The following ELP6 variants were observed in gnomAD, a reference collection of about 807,000 sequenced individuals.
ELP6 encodes the protein elongator complex protein 6.
ELP6 carries 23 observed loss-of-function variants against 28.1 expected under a neutral mutation model. The observed-to-expected ratio is 0.82, with a 90% CI of 0.59 to 1.16. The LOEUF is 1.16. Ranked by LOEUF, ELP6 falls within the 50% of genes most tolerant of loss-of-function variation. ELP6 has a pLI of 0.00. For synonymous variants in ELP6, 132 were observed against 135.8 expected (o/e 0.97, Z 0.19); for missense variants, 313 against 334.6 (o/e 0.94, Z 0.50).
intron 4 of ELP6, among the ~76,000 whole-genome samples, chr3:47,503,788 G>T: frequency 6.6e-6 from 1 of 152,072 alleles, no homozygotes. Flanking sequence ...TACTCAGAGA[G>T]GCTGAGGCAG....
At chr3:47,500,257 T>C in intron 5 of ELP6, 1 of 1,046,034 alleles carries the variant, frequency 9.6e-7, no homozygotes, top group African/African-American at 1.7e-5. Flanking sequence ...GATGGCAGGT[T>C]ACCAGTAATG....
intron 1 of ELP6, 85 bp downstream of exon 1, chr3:47,513,452 C>T: frequency 6.4e-7 from 1 of 1,569,264 alleles, no homozygotes. Context: ...GCGCCATTCC[C>T]CGGGGTCGTG....
At chr3:47,509,508 C>T (rs778596026) in intron 3 of ELP6, among the ~76,000 whole-genome samples, 14 of 152,234 alleles carry the variant, frequency 9.2e-5, no homozygotes, top group Admixed American at 3.9e-4. Flanking sequence ...TCTCCCCACA[C>T]TGGGGTCTGA....
Position 47,511,084 on chromosome 3 carries a change from T to C in ELP6, c.133+64A>G, listed in dbSNP as rs1300100524. 25 of 1,388,878 alleles carry C rather than the reference T, an allele frequency of 1.8e-5. No individual in the cohort carries two copies. The East Asian group carries it at 4.3e-4, about 24-fold the overall frequency. The allele number at this position is 1,388,878 out of a possible 1,614,324, so 86.0% of individuals were successfully genotyped here. ...GCTGTTATTGCTTCCTTAAATAGTT[T>C]TGGTTTTTATTATTTCTGCACCCAT... On this transcript the variant is annotated intron_variant, in intron 2 of 6. Transcript: ENST00000296149.
chr3:47,512,828 C>T, intron 1 of ELP6: 3 of 971,338 alleles, frequency 3.1e-6, no homozygotes, highest in Non-Finnish European at 3.7e-6. Flanking sequence ...AGGAAGCTCG[C>T]CCATGAAGAC....
At chr3:47,505,737 A>G (rs1708814839) in intron 3 of ELP6, among the ~76,000 whole-genome samples, 1 of 152,082 alleles carries the variant, frequency 6.6e-6, no homozygotes, top group South Asian at 2.1e-4. Flanking sequence ...ACGCCCAGCT[A>G]ATTTTTGTAT....
chr3:47,501,928 A>G, intron 4 of ELP6, 77 bp from the exon 5 acceptor site: 1 of 1,367,344 alleles, frequency 7.3e-7, no homozygotes, highest in Admixed American at 2.0e-5. Flanking sequence ...GCACGACAGG[A>G]GAGGGCTAAG....
At chr3:47,498,723 A>C (rs1392661319) in intron 5 of ELP6, 1 of 985,366 alleles carries the variant, frequency 1.0e-6, no homozygotes, top group African/African-American at 1.7e-5. Flanking sequence ...GAATGTTACT[A>C]AAAGTGTCAC....
chr3:47,496,341 T>C, intron 6 of ELP6, 144 bp from the exon 7 acceptor site: 1 of 1,421,850 alleles, frequency 7.0e-7, no homozygotes. Flanking sequence ...GGGGCCAACT[T>C]GTAAAATAAA....
chr3:47,506,045 T>C (rs899183252), intron 3 of ELP6, among the ~76,000 whole-genome samples: 1 of 151,820 alleles, frequency 6.6e-6, no homozygotes, highest in Admixed American at 6.6e-5. Flanking sequence ...AGGGACAGAG[T>C]ACAAAAGAGA....
chr3:47,502,462 C>A, intron 4 of ELP6: 1 of 983,234 alleles, frequency 1.0e-6, no homozygotes, highest in Non-Finnish European at 1.2e-6. Context: ...AGCCTCTCAA[C>A]CCAAGAGCTT....
chr3:47,509,058 C>G (rs963500176), intron 3 of ELP6, among the ~76,000 whole-genome samples: 6 of 152,016 alleles, frequency 3.9e-5, no homozygotes, highest in African/African-American at 1.5e-4. Context: ...GCCACCGTGC[C>G]CAGCCTTTTT....
intron 5 of ELP6, chr3:47,500,007 A>G: frequency 7.6e-7 from 1 of 1,307,802 alleles, no homozygotes; most frequent in Non-Finnish European, 1.0e-6. Flanking sequence ...TGGCGGGTAA[A>G]TATGTGGCTA....
Position 47,511,170 on chromosome 3 carries a change from G to C in ELP6, c.111C>G (p.His37Gln). The C allele has an allele frequency of 6.2e-7, 1 of 1,614,004 alleles. No homozygotes were observed. Among genetic ancestry groups the C allele is most frequent in the African/African-American group, 1.3e-5 (1 of 75,024 alleles). The change falls in exon 2 of 7, where the codon CAC becomes CAG. Residue 37 changes from histidine (H) to glutamine (Q), a missense_variant. By Grantham distance (24) the His-to-Gln change is conservative. Transcript: ENST00000296149. ...TACCTTTGAGATAGAAGGAGAGAAA[G>C]TGGTGTACAAGGAAACTCCCATCTG... is the stretch of plus-strand genomic sequence containing the variant. ...AKTDGSFLVH[H>Q]FLSFYLKANC... is the part of the protein sequence containing the mutation.
chr3:47,495,907 C>T lies in ELP6; in HGVS notation c.*162G>A, dbSNP rs878912248. The T allele has an allele frequency of 8.0e-7, 1 of 1,247,976 alleles. No homozygotes were observed. Among genetic ancestry groups the T allele is most frequent in the African/African-American group, 1.5e-5 (1 of 64,726 alleles). The allele number at this position is 1,247,976 out of a possible 1,614,324, so 77.3% of individuals were successfully genotyped here. On this transcript the variant is annotated 3_prime_UTR_variant, in exon 7 of 7. Coordinates refer to ENST00000296149, the MANE Select transcript of ELP6 (RefSeq NM_001031703.3). Reference sequence around the variant, plus strand: ...TTTTCTGAACAGGGCCCAGGGCAGCCAAGGCATGCCATCACTGCAGCACTC... The same window carrying T: ...TTTTCTGAACAGGGCCCAGGGCAGCTAAGGCATGCCATCACTGCAGCACTC...
intron 5 of ELP6, 29 bp downstream of exon 5, chr3:47,501,621 G>A (rs1366162345): frequency 3.1e-6 from 5 of 1,606,894 alleles, no homozygotes; most frequent in Non-Finnish European, 4.3e-6. Flanking sequence ...GGTCACAGGT[G>A]GGCGCAGAGA....
chr3:47,508,275 G>C (rs1206377592), intron 3 of ELP6, among the ~76,000 whole-genome samples: 5 of 152,138 alleles, frequency 3.3e-5, no homozygotes, highest in African/African-American at 2.4e-5. Flanking sequence ...ATGGAGTCTT[G>C]CTCTTTCGCC....
rs1364255208 is a variant in ELP6 at position 47,496,184 on chromosome 3, C to T, written c.686G>A (p.Trp229Ter). The T allele has an allele frequency of 6.2e-7, 1 of 1,613,824 alleles. No homozygotes were observed. Among genetic ancestry groups the T allele is most frequent in the African/African-American group, 1.3e-5 (1 of 74,880 alleles). The change falls in exon 7 of 7, where the codon TGG becomes TAG. Residue 229 changes from tryptophan to a stop codon, truncating the protein, a stop_gained. Coordinates refer to ENST00000296149, the MANE Select transcript of ELP6 (RefSeq NM_001031703.3). LOFTEE classifies it high-confidence loss of function. ...GACTGCGGGCTGCGATGGTCTCCTC[C>T]ACAGGATCCTCAGCTACAGAGACAG... ...RDVHGQLRIL[W>*]RRPSQPAVHR...
intron 5 of ELP6, chr3:47,500,223 A>G: frequency 9.3e-7 from 1 of 1,078,992 alleles, no homozygotes; most frequent in South Asian, 2.5e-5. Flanking sequence ...TAATAAATGA[A>G]AAAAAGAAGT....
Sources: allele counts gnomAD v4.1 joint callset (sites outside exome capture counted in the v4.1 genomes callset), GRCh38; gene constraint gnomAD v4.1.1; transcripts MANE v1.5; gene names NCBI Gene and HGNC (gene_info 2026-07-23, HGNC 2026-07-21).